The following RGS22 variants were observed in gnomAD, a reference collection of about 807,000 sequenced individuals.
RGS22 encodes regulator of G protein signaling 22.
In RGS22, 148 loss-of-function variants were observed where a neutral mutation model predicts 172.9. The observed-to-expected ratio is 0.86, with a 90% CI of 0.75 to 0.98. RGS22 has a LOEUF of 0.98. Ranked by LOEUF, RGS22 falls within the 50% of genes least tolerant of loss-of-function variation. The pLI is 0.00. For missense variants in RGS22, 1,347 were observed against 1,440.8 expected (o/e 0.93, Z 1.05); for synonymous variants, 458 against 480.2 (o/e 0.95, Z 0.60).
intron 11 of RGS22, among the ~76,000 whole-genome samples, chr8:100,046,630 C>G (rs967690020): frequency 1.3e-5 from 2 of 148,192 alleles, no homozygotes; most frequent in Admixed American, 6.9e-5. Flanking sequence ...ACTAGATAAG[C>G]TGAAAAAACT....
intron 20 of RGS22, among the ~76,000 whole-genome samples, chr8:99,988,630 T>C (rs965323045): frequency 4.6e-5 from 7 of 152,218 alleles, no homozygotes; most frequent in Non-Finnish European, 1.0e-4. Flanking sequence ...TAGAGAGTTA[T>C]ATTTTTAAAA....
rs778828034 is a variant in RGS22, at chr8:100,047,486, A to T, written c.1800T>A (p.Ser600=). 12 of 1,603,698 alleles carry T rather than the reference A, an allele frequency of 7.5e-6. No individual in the cohort carries two copies. Among genetic ancestry groups the T allele is most frequent in the Admixed American group, 3.4e-5 (2 of 58,220 alleles). ...ACCCTTTCTCAATCACATCATCCTT[A>T]GAAGAACCTGGATACAAAAGCTCCC... ...WKRELLYPGS[S]KDDVIEKGSK... is the part of the protein sequence containing the mutation. Residue 600 remains serine (S), a synonymous_variant, in exon 11 of 28, where the codon TCT becomes TCA. Transcript: ENST00000360863.
intron 14 of RGS22, 88 bp from the exon 15 acceptor site, chr8:100,008,657 T>C (rs1367844552): frequency 2.2e-5 from 22 of 987,730 alleles, no homozygotes; most frequent in Admixed American, 5.8e-5. Flanking sequence ...TTTTAAAAAC[T>C]AAGAGAAGGC....
rs1406903799 is a variant in RGS22, at chr8:99,978,042, GC to G, written c.3393del (p.Trp1131CysfsTer11). The G allele has an allele frequency of 1.3e-6, 2 of 1,527,018 alleles. No homozygotes were observed. Among genetic ancestry groups the G allele is most frequent in the Middle Eastern group, 2.0e-4 (1 of 5,052 alleles). 94.6% of individuals were successfully genotyped at this position (1,527,018 alleles called of 1,614,324 possible). ...TTCTTCCTAAACTCACAGAACTGAG[GC>G]CAGAATTTAAACAGAACCCCAAAAA... is the stretch of plus-strand genomic sequence containing the variant. The part of the protein sequence containing the change: ...MTIFGVLFKF[W>X]PQFCEFRKNL... On this transcript the variant is annotated frameshift_variant, in exon 23 of 28. Transcript: ENST00000360863. LOFTEE classifies it high-confidence loss of function.
rs751199818 is a variant in RGS22 at position 100,064,090 on chromosome 8, C to T, written c.725-47G>A. On this transcript the variant is annotated intron_variant, in intron 7 of 27. Transcript: ENST00000360863. The stretch of plus-strand genomic sequence containing the variant: ...TATTAGATTAGATATGAATACAAAC[C>T]TTTCTTATTATTAAATAGATGCTAT... 1.1e-5 allele frequency: 14 copies of T among 1,331,660 alleles called. No homozygotes were observed. In the Admixed American group the frequency reaches 2.3e-4, roughly 22 times the overall value. The allele number at this position is 1,331,660 out of a possible 1,614,324, so 82.5% of individuals were successfully genotyped here. A position where few individuals can be genotyped will look rare whatever the true frequency, so the allele number is the denominator to read the frequency against.
At chr8:100,019,865 C>T (rs746853719) in intron 14 of RGS22, among the ~76,000 whole-genome samples, 3 of 151,484 alleles carry the variant, frequency 2.0e-5, no homozygotes, top group Non-Finnish European at 4.4e-5. Context: ...ACTATAAAAC[C>T]ATCTGCTGTT....
intron 3 of RGS22, among the ~76,000 whole-genome samples, chr8:100,081,355 C>A: frequency 1.0e-5 from 1 of 97,988 alleles, no homozygotes; most frequent in South Asian, 3.6e-4. Flanking sequence ...TATATGTGTG[C>A]GTGTATGTAT....
rs768065763 is a variant in RGS22, at chr8:99,977,995, CATA to C, written c.3438_3440del (p.Ile1146del). 1.6e-3 allele frequency: 2,418 copies of C among 1,551,942 alleles called. 3 individuals are homozygous for C. Among genetic ancestry groups the C allele is most frequent in the Non-Finnish European group, 1.9e-3 (2,256 of 1,157,562 alleles). ...ATTCTTGTCTTCTCTCTAAAACACT[CATA>C]ATATTTTCATCTGTTAAATTCTTCC... On this transcript the variant is annotated inframe_deletion, in exon 23 of 28. Transcript: ENST00000360863.
rs748929025 is a variant in RGS22 at position 100,093,513 on chromosome 8, CA to C, written c.55-5del. 2.6e-3 allele frequency: 3,477 copies of C among 1,328,114 alleles called. No homozygotes were observed. Among genetic ancestry groups the C allele is most frequent in the South Asian group, 3.6e-3 (248 of 69,002 alleles). The allele number at this position is 1,328,114 out of a possible 1,614,324, so 82.3% of individuals were successfully genotyped here. A position where few individuals can be genotyped will look rare whatever the true frequency, so the allele number is the denominator to read the frequency against. ...CATCTGTTGCCAGAGAATCTTCCTGCAAAAAAAAAACATAAAAACACAGTAT... is the reference window on the plus strand; with the variant it reads ...CATCTGTTGCCAGAGAATCTTCCTGCAAAAAAAAACATAAAAACACAGTAT... On this transcript the variant is annotated splice_polypyrimidine_tract_variant and splice_region_variant and intron_variant, in intron 2 of 27. Coordinates refer to ENST00000360863, the MANE Select transcript of RGS22 (RefSeq NM_015668.5).
intron 6 of RGS22, among the ~76,000 whole-genome samples, chr8:100,068,376 C>A (rs555811036): frequency 6.6e-6 from 1 of 151,968 alleles, no homozygotes; most frequent in East Asian, 1.9e-4. Context: ...ACAGTGAGGC[C>A]CTGTCTCAAC....
chr8:99,967,355 T>A (rs1279370757), intron 23 of RGS22, among the ~76,000 whole-genome samples: 3 of 150,588 alleles, frequency 2.0e-5, no homozygotes, highest in Non-Finnish European at 4.4e-5. Context: ...TGTACCCCAG[T>A]GGAGCCTGGA....
chr8:100,083,830 CTTTTTTT>C (rs59603032), intron 3 of RGS22, among the ~76,000 whole-genome samples: 1 of 126,056 alleles, frequency 7.9e-6, no homozygotes, highest in Admixed American at 8.1e-5. Flanking sequence ...AATTTCTTTT[CTTTTTTT>C]TTTTTTTTTT....
At chr8:100,081,000 G>A (rs1791028902) in intron 3 of RGS22, among the ~76,000 whole-genome samples, 1 of 152,194 alleles carries the variant, frequency 6.6e-6, no homozygotes, top group African/African-American at 2.4e-5. Context: ...GTACCTCTGT[G>A]ACTCTAGGTA....
chr8:99,985,018 C>T (rs1247019915), intron 21 of RGS22, among the ~76,000 whole-genome samples: 1 of 152,134 alleles, frequency 6.6e-6, no homozygotes. Context: ...TTTTCACAAT[C>T]CCGAGTAATG....
intron 11 of RGS22, among the ~76,000 whole-genome samples, chr8:100,046,825 G>C (rs534231966): frequency 2.0e-5 from 3 of 149,092 alleles, no homozygotes; most frequent in Non-Finnish European, 3.0e-5. Flanking sequence ...TTGTTTTTTT[G>C]TTTTTTTTTA....
intron 4 of RGS22, among the ~76,000 whole-genome samples, chr8:100,075,642 G>T (rs907132260): frequency 6.6e-6 from 1 of 152,148 alleles, no homozygotes; most frequent in Non-Finnish European, 1.5e-5. Context: ...GGACTTTTGG[G>T]TTGCTTCCAC....
intron 10 of RGS22, among the ~76,000 whole-genome samples, chr8:100,052,140 CATATATTAATAT>C (rs1360301868): frequency 1.8e-5 from 1 of 56,922 alleles, no homozygotes; most frequent in Non-Finnish European, 2.8e-5. Context: ...AATATATAAA[CATATATTAATAT>C]ATATATAAAT....
Position 100,095,575 on chromosome 8 carries a change from TC to T in RGS22, c.55-2067del, listed in dbSNP as rs559339341. ...ATGAAATAAAAGATACATATTGCAATCCCAATTTTTTGTTATTAAATTTAAC... is the reference window on the plus strand; with the variant it reads ...ATGAAATAAAAGATACATATTGCAATCCAATTTTTTGTTATTAAATTTAAC... On this transcript the variant is annotated intron_variant, in intron 2 of 27. Transcript: ENST00000360863. Among the ~76,000 whole-genome samples, 121 of 152,286 alleles carry T rather than the reference TC, an allele frequency of 7.9e-4. No homozygotes were observed. The South Asian group carries it at 0.024, about 31-fold the overall frequency.
At chr8:100,105,668 A>T in intron 1 of RGS22, 1 of 578,062 alleles carries the variant, frequency 1.7e-6, no homozygotes, top group South Asian at 2.2e-5. Context: ...ACCCTCTATT[A>T]TTCTACGTAC....
Sources: gnomAD v4.1 joint callset for allele counts (sites outside exome capture counted in the v4.1 genomes callset) on GRCh38, gnomAD v4.1.1 for gene constraint, MANE v1.5 for transcripts, NCBI Gene and HGNC (gene_info 2026-07-23, HGNC 2026-07-21) for gene names.